Variants in TECTB observed in about 807,000 individuals in gnomAD.
TECTB encodes tectorin beta, also known as beta-tectorin.
In TECTB, 45 loss-of-function variants were observed where a neutral mutation model predicts 43.3. That is an observed-to-expected ratio of 1.04 (90% CI 0.82 to 1.33). The LOEUF (loss-of-function observed/expected upper bound fraction) is 1.33. Among genes scored for constraint, TECTB ranks in the 40% most tolerant of loss-of-function variants. The pLI, the probability that TECTB is intolerant of heterozygous loss-of-function variation, is 0.00. For synonymous variants in TECTB, 169 were observed against 156.7 expected (o/e 1.08, Z -0.59); for missense variants, 399 against 404.7 (o/e 0.99, Z 0.12).
intron 5 of TECTB, 42 bp from the exon 6 acceptor site, chr10:112,293,696 A>C: frequency 5.7e-6 from 9 of 1,578,312 alleles, no homozygotes; most frequent in Admixed American, 1.7e-5. Flanking sequence ...TAGCTGCTCA[A>C]TCTGAGAGTT....
chr10:112,300,266 G>T (rs1035890129), intron 9 of TECTB, among the ~76,000 whole-genome samples: 1 of 24,422 alleles, frequency 4.1e-5, no homozygotes, highest in Non-Finnish European at 7.5e-5. Flanking sequence ...AAGAAAGAAA[G>T]AAAGAAAGAA....
rs1848630141 is a variant in TECTB at position 112,303,543 on chromosome 10, A to G, written c.*231A>G. ...GGCCCTTAGATCTCACAGTCCTTCT[A>G]CAGCTGGGGGAGGAGCCTCCTTTCT... On this transcript the variant is annotated 3_prime_UTR_variant, in exon 11 of 11. Transcript: ENST00000646139. The G allele has an allele frequency of 1.8e-6, 1 of 555,710 alleles. No individual in the cohort carries two copies. The highest frequency in any genetic ancestry group is 3.0e-5 in the Admixed American group (1 of 33,006). The allele number at this position is 555,710 out of a possible 1,614,324, so 34.4% of individuals were successfully genotyped here.
intron 5 of TECTB, among the ~76,000 whole-genome samples, chr10:112,291,413 A>G (rs575899352): frequency 1.3e-5 from 2 of 152,358 alleles, no homozygotes; most frequent in South Asian, 4.1e-4. Flanking sequence ...AGGAATATAA[A>G]TCATTCTATT....
At chr10:112,300,742 T>G (rs191764493) in intron 9 of TECTB, among the ~76,000 whole-genome samples, 325 of 152,342 alleles carry the variant, frequency 2.1e-3, no homozygotes, top group Non-Finnish European at 3.4e-3. Flanking sequence ...CAGTTAGGGA[T>G]GCTCAACTAG....
chr10:112,283,773 A>G lies in TECTB; in HGVS notation c.39A>G (p.Ala13=), dbSNP rs200550481. The G allele has an allele frequency of 6.2e-7, 1 of 1,614,006 alleles. No homozygotes were observed. Among genetic ancestry groups the G allele is most frequent in the East Asian group, 2.2e-5 (1 of 44,876 alleles). The change falls in exon 2 of 11, where the codon GCA becomes GCG. Residue 13 remains alanine, a synonymous_variant. Transcript: ENST00000646139. ...TKAFVLLAIF[A]EASAKSCAPN... The stretch of plus-strand genomic sequence containing the variant: ...CCTTTGTCTTGTTGGCCATCTTTGC[A>G]GAAGCCTCTGCAAAATCGTGTGCTC...
intron 5 of TECTB, among the ~76,000 whole-genome samples, chr10:112,289,932 T>C (rs1848484126): frequency 6.6e-6 from 1 of 152,158 alleles, no homozygotes; most frequent in South Asian, 2.1e-4. Context: ...AAGCCAGGTG[T>C]ACTCATCCTT....
intron 8 of TECTB, among the ~76,000 whole-genome samples, chr10:112,298,757 G>C (rs892805850): frequency 2.6e-5 from 4 of 152,198 alleles, no homozygotes; most frequent in African/African-American, 7.2e-5. Flanking sequence ...TGAGAGGAAG[G>C]CCTGGGCAGG....
chr10:112,290,597 A>G (rs765333876), intron 5 of TECTB, among the ~76,000 whole-genome samples: 5 of 152,194 alleles, frequency 3.3e-5, no homozygotes, highest in Non-Finnish European at 7.3e-5. Flanking sequence ...AAGAGTTGGG[A>G]GCGATACCTC....
Position 112,294,030 on chromosome 10 carries a change from T to A in TECTB, c.640T>A (p.Tyr214Asn). ...CWATPSADFM[Y>N]PLQWQLINKG... ...GGCCACCCCCTCGGCTGACTTCATGTATCCCTTGCAGTGGCAGCTGATCAA... is the reference window on the plus strand; with the variant it reads ...GGCCACCCCCTCGGCTGACTTCATGAATCCCTTGCAGTGGCAGCTGATCAA... The change falls in exon 7 of 11, where the codon TAT becomes AAT. Residue 214 changes from tyrosine (Y) to asparagine (N), a missense_variant. Coordinates refer to ENST00000646139, the MANE Select transcript of TECTB (RefSeq NM_058222.3). 1 of 1,614,234 alleles carries A rather than the reference T, an allele frequency of 6.2e-7. No individual in the cohort carries two copies.
At position 112,284,448 on chromosome 10, in the gene TECTB, C is replaced by A. The variant is rs941841306; in HGVS notation, c.77-87C>A. The A allele has an allele frequency of 8.4e-6, 11 of 1,310,784 alleles. No homozygotes were observed. The Admixed American group carries it at 2.7e-4, about 32-fold the overall frequency. 81.2% of individuals were successfully genotyped at this position (1,310,784 alleles called of 1,614,324 possible). A position where few individuals can be genotyped will look rare whatever the true frequency, so the allele number is the denominator to read the frequency against. On this transcript the variant is annotated intron_variant, in intron 2 of 10. Transcript: ENST00000646139. ...GTTTTTAACCAACTGCTTTTGCATG[C>A]TCAGGTGTAGCTGGAATCCACTGTT...
chr10:112,301,407 C>A (rs374930394), intron 9 of TECTB, among the ~76,000 whole-genome samples: 115 of 132,788 alleles, frequency 8.7e-4, no homozygotes, highest in Admixed American at 1.0e-3. Context: ...AACTCTGTCT[C>A]AAAAAAAAAA....
At chr10:112,299,661 C>A in intron 9 of TECTB, 97 bp downstream of exon 9, 2 of 1,382,018 alleles carry the variant, frequency 1.4e-6, no homozygotes, top group Non-Finnish European at 1.0e-6. Context: ...ACTGAATTGC[C>A]AAACCAGTCG....
intron 9 of TECTB, among the ~76,000 whole-genome samples, chr10:112,300,230 T>TAAAGAAAGAAAGAAAGAAAG (rs1554854200): frequency 5.5e-5 from 3 of 55,024 alleles, no homozygotes; most frequent in Admixed American, 2.3e-4. Context: ...CAGAAAGAAA[T>TAAAGAAAGAAAGAAAGAAAG]AAAGAAAGAA....
rs1589642075 is a variant in TECTB at position 112,299,525 on chromosome 10, C to A, written c.868C>A (p.Gln290Lys). ...CDKRKRLLRD[Q>K]TGGVLVVELS... The stretch of plus-strand genomic sequence containing the variant: ...TAAACGGAAGCGCCTCCTGCGAGAC[C>A]AGACCGGGGGAGTCCTGGTCGTGGA... Residue 290 changes from glutamine to lysine, a missense_variant, in exon 9 of 11, where the codon CAG (glutamine) becomes AAG (lysine). Gln to Lys is a moderately conservative substitution (Grantham distance 53). Coordinates refer to ENST00000646139, the MANE Select transcript of TECTB (RefSeq NM_058222.3). 1 of 1,614,256 alleles carries A rather than the reference C, an allele frequency of 6.2e-7. No individual in the cohort carries two copies. The highest frequency in any genetic ancestry group is 8.5e-7 in the Non-Finnish European group (1 of 1,180,040).
intron 10 of TECTB, chr10:112,303,000 T>C (rs920436432): frequency 3.6e-5 from 17 of 472,648 alleles, no homozygotes; most frequent in African/African-American, 3.3e-4. Context: ...TTCTCATCGT[T>C]TTTAAGTTCT....
rs1260964095 is a variant in TECTB at position 112,296,971 on chromosome 10, TGC to T, written c.672-1097_672-1096del. Among the ~76,000 whole-genome samples, 178 of 152,328 alleles carry T rather than the reference TGC, an allele frequency of 1.2e-3. 4 individuals carry two copies. In the South Asian group the frequency reaches 0.036, roughly 31 times the overall value. ...CAGAGCGACAGACCCTGCTACCCCG[TGC>T]TACCTGCAGATAACAAACCCCCACA... On this transcript the variant is annotated intron_variant, in intron 7 of 10. Transcript: ENST00000646139.
intron 2 of TECTB, 81 bp from the exon 3 acceptor site, chr10:112,284,454 T>G: frequency 1.5e-6 from 2 of 1,361,954 alleles, no homozygotes; most frequent in Non-Finnish European, 1.9e-6. Flanking sequence ...CATGCTCAGG[T>G]GTAGCTGGAA....
In TECTB at chr10:112,304,069, T is replaced by C. The variant is rs924781871; in HGVS notation, c.*757T>C. 1.3e-5 allele frequency: 2 copies of C among 152,158 alleles called. No individual in the cohort carries two copies. Among genetic ancestry groups the C allele is most frequent in the Non-Finnish European group, 2.9e-5 (2 of 68,022 alleles). 9.4% of individuals were successfully genotyped at this position (152,158 alleles called of 1,614,324 possible). A position where few individuals can be genotyped will look rare whatever the true frequency, so the allele number is the denominator to read the frequency against. On this transcript the variant is annotated 3_prime_UTR_variant, in exon 11 of 11. Transcript: ENST00000646139. ...ACAAAAAGAATAATCACAAGAAGAA[T>C]ACAACTCACATTAATTTAACCTAAT...
chr10:112,295,088 A>G (rs191635057), intron 7 of TECTB, among the ~76,000 whole-genome samples: 1 of 152,362 alleles, frequency 6.6e-6, no homozygotes, highest in East Asian at 1.9e-4. Flanking sequence ...GAGGAGAGAC[A>G]GGGCTAGACA....
Sources: allele counts gnomAD v4.1 joint callset (sites outside exome capture counted in the v4.1 genomes callset), GRCh38; gene constraint gnomAD v4.1.1; transcripts MANE v1.5; gene names NCBI Gene and HGNC (gene_info 2026-07-23, HGNC 2026-07-21).